Variants in PLPPR1 observed in about 807,000 individuals in gnomAD.
PLPPR1 encodes phospholipid phosphatase-related protein type 1.
In PLPPR1, 10 loss-of-function variants were observed where a neutral mutation model predicts 33.1. The observed-to-expected ratio is 0.30, with a 90% CI of 0.19 to 0.51. PLPPR1 has a LOEUF of 0.51. Ranked by LOEUF, PLPPR1 falls within the 20% of genes least tolerant of loss-of-function variation. PLPPR1 has a pLI of 0.97. For synonymous variants in PLPPR1, 151 were observed against 151.0 expected (o/e 1.00, Z 0.00); for missense variants, 304 against 408.1 (o/e 0.74, Z 2.20).
chr9:101,131,800 T>C (rs1831317418), intron 1 of PLPPR1, among the ~76,000 whole-genome samples: 2 of 152,244 alleles, frequency 1.3e-5, no homozygotes, highest in Admixed American at 6.5e-5. Context: ...GTTAAAACCA[T>C]GGACTCTGTA....
At chr9:101,052,400 C>A (rs1027495493) in intron 1 of PLPPR1, among the ~76,000 whole-genome samples, 1 of 152,154 alleles carries the variant, frequency 6.6e-6, no homozygotes, top group Non-Finnish European at 1.5e-5. Flanking sequence ...GCTTGAGCTA[C>A]TGCTACACAT....
chr9:101,199,418 T>C (rs1384619018), intron 2 of PLPPR1, among the ~76,000 whole-genome samples: 2 of 152,188 alleles, frequency 1.3e-5, no homozygotes, highest in Non-Finnish European at 2.9e-5. Context: ...ACAATAACTT[T>C]ATTCTCTGTC....
At chr9:101,251,493 G>A (rs889921879) in intron 2 of PLPPR1, among the ~76,000 whole-genome samples, 7 of 152,016 alleles carry the variant, frequency 4.6e-5, no homozygotes, top group Non-Finnish European at 7.4e-5. Context: ...CTCCAGTCTC[G>A]TATAGATTAC....
intron 1 of PLPPR1, among the ~76,000 whole-genome samples, chr9:101,068,501 C>T (rs2118482455): frequency 6.6e-6 from 1 of 151,958 alleles, no homozygotes; most frequent in Middle Eastern, 3.4e-3. Flanking sequence ...CTAACCAGGC[C>T]TGGTAGGGTG....
chr9:101,068,285 A>G (rs1004390226), intron 1 of PLPPR1, among the ~76,000 whole-genome samples: 6 of 152,052 alleles, frequency 3.9e-5, no homozygotes, highest in Admixed American at 3.9e-4. Context: ...GAAGAAAGAT[A>G]ACACTCCAGT....
At chr9:101,181,044 AC>A (rs956558506) in intron 1 of PLPPR1, among the ~76,000 whole-genome samples, 9 of 150,728 alleles carry the variant, frequency 6.0e-5, no homozygotes, top group South Asian at 2.1e-4. Flanking sequence ...CAATAAAACA[AC>A]CCAATCTAAA....
intron 1 of PLPPR1, among the ~76,000 whole-genome samples, chr9:101,080,152 G>A (rs571424861): frequency 1.1e-4 from 17 of 152,028 alleles, no homozygotes; most frequent in African/African-American, 3.9e-4. Context: ...TTCGATTTTT[G>A]AAATGTGAAC....
intron 2 of PLPPR1, among the ~76,000 whole-genome samples, chr9:101,209,334 C>A (rs1826646609): frequency 1.3e-5 from 2 of 152,176 alleles, no homozygotes; most frequent in African/African-American, 4.8e-5. Flanking sequence ...GGACTTTTTC[C>A]TCTGTGAATT....
At chr9:101,056,758 AGTTCAGTAGGTGT>A (rs1190731475) in intron 1 of PLPPR1, among the ~76,000 whole-genome samples, 1 of 152,230 alleles carries the variant, frequency 6.6e-6, no homozygotes, top group Non-Finnish European at 1.5e-5. Context: ...CCAAAGAAGT[AGTTCAGTAGGTGT>A]GGAAGAGCTG....
chr9:101,070,351 C>T (rs1362613681), intron 1 of PLPPR1, among the ~76,000 whole-genome samples: 2 of 151,988 alleles, frequency 1.3e-5, no homozygotes, highest in African/African-American at 2.4e-5. Flanking sequence ...ATTGTTCCAG[C>T]CTTGGCCATT....
chr9:101,309,921 A>C (rs140216222), intron 5 of PLPPR1, among the ~76,000 whole-genome samples: 162 of 152,284 alleles, frequency 1.1e-3, no homozygotes, highest in African/African-American at 3.7e-3. Flanking sequence ...CTCCAACAAC[A>C]TGCAGACCCA....
chr9:101,320,302 G>A, intron 7 of PLPPR1, among the ~76,000 whole-genome samples: 1 of 152,172 alleles, frequency 6.6e-6, no homozygotes, highest in East Asian at 1.9e-4. Context: ...TCACTCATAA[G>A]TAAAGCCAAG....
At chr9:101,130,764 G>A (rs975137236) in intron 1 of PLPPR1, among the ~76,000 whole-genome samples, 2 of 152,194 alleles carry the variant, frequency 1.3e-5, no homozygotes, top group Non-Finnish European at 2.9e-5. Context: ...ATGTTCAAGT[G>A]TGTTCAGATG....
At chr9:101,221,474 C>T (rs1041790640) in intron 2 of PLPPR1, among the ~76,000 whole-genome samples, 8 of 152,176 alleles carry the variant, frequency 5.3e-5, no homozygotes, top group African/African-American at 1.7e-4. Context: ...CACAGGGACT[C>T]CCTGAAGGGC....
At chr9:101,122,259 A>G (rs1238211224) in intron 1 of PLPPR1, among the ~76,000 whole-genome samples, 1 of 152,228 alleles carries the variant, frequency 6.6e-6, no homozygotes, top group Non-Finnish European at 1.5e-5. Flanking sequence ...GTCATACATC[A>G]TAAAGATATA....
chr9:101,168,302 G>A (rs1189505721), intron 1 of PLPPR1, among the ~76,000 whole-genome samples: 1 of 152,106 alleles, frequency 6.6e-6, no homozygotes. Flanking sequence ...GTCACTATCT[G>A]CAGTGCTACT....
intron 2 of PLPPR1, among the ~76,000 whole-genome samples, chr9:101,213,371 T>G (rs929088965): frequency 3.3e-5 from 5 of 152,204 alleles, no homozygotes; most frequent in Non-Finnish European, 7.4e-5. Flanking sequence ...AAAATACTTT[T>G]TAAAAGCACT....
intron 3 of PLPPR1, among the ~76,000 whole-genome samples, chr9:101,281,976 T>C (rs1282620934): frequency 6.6e-6 from 1 of 152,204 alleles, no homozygotes. Flanking sequence ...GCTTTGCTGC[T>C]GAATTCTACC....
intron 2 of PLPPR1, among the ~76,000 whole-genome samples, chr9:101,216,226 T>C (rs1424672866): frequency 6.6e-6 from 1 of 152,216 alleles, no homozygotes; most frequent in Non-Finnish European, 1.5e-5. Flanking sequence ...CTTTAACTGG[T>C]ATGAGATGAT....
Sources: gnomAD v4.1 joint callset for allele counts (sites outside exome capture counted in the v4.1 genomes callset) on GRCh38, gnomAD v4.1.1 for gene constraint, MANE v1.5 for transcripts, NCBI Gene and HGNC (gene_info 2026-07-23, HGNC 2026-07-21) for gene names.